Variants in HS6ST2 observed in about 807,000 individuals in gnomAD.
HS6ST2 encodes the protein heparan sulfate 6-O-sulfotransferase 2.
Under a neutral mutation model 33.0 loss-of-function variants are expected in HS6ST2, and 17 were observed. The observed-to-expected ratio is 0.52, with a 90% confidence interval of 0.35 to 0.77. The LOEUF (loss-of-function observed/expected upper bound fraction) is 0.77, where lower values mean the gene tolerates loss of function less well. Ranked by LOEUF, HS6ST2 falls within the 30% of genes least tolerant of loss-of-function variation. The pLI is 0.01. For missense variants in HS6ST2, 519 were observed against 551.7 expected (o/e 0.94, Z 0.59); for synonymous variants, 248 against 237.1 (o/e 1.05, Z -0.42).
At chrX:132,822,637 T>A (rs1380502035) in intron 2 of HS6ST2, among the ~76,000 whole-genome samples, 1 of 112,456 alleles carries the variant, frequency 8.9e-6, no homozygotes, top group Non-Finnish European at 1.9e-5. Flanking sequence ...AATGCTGCTT[T>A]ACAAGAGACA....
chrX:132,794,830 C>T (rs991006387), intron 2 of HS6ST2, among the ~76,000 whole-genome samples: 1 of 110,722 alleles, frequency 9.0e-6, no homozygotes, highest in African/African-American at 3.3e-5. Flanking sequence ...CACAGTCATA[C>T]ACCTCAGACA....
chrX:132,760,640 C>T (rs1434263590), intron 2 of HS6ST2, among the ~76,000 whole-genome samples: 1 of 111,654 alleles, frequency 9.0e-6, no homozygotes, highest in Non-Finnish European at 1.9e-5. Context: ...AGAAAGTGTG[C>T]ATGTACAACT....
At position 132,757,316 on chromosome X, in the gene HS6ST2, T is replaced by A. The variant is rs190598002; in HGVS notation, c.948-48822A>T. Among the ~76,000 whole-genome samples the A allele has an allele frequency of 2.0e-4, 22 of 111,895 alleles. No homozygotes were observed. The East Asian group carries it at 6.2e-3, about 32-fold the overall frequency. On this transcript the variant is annotated intron_variant, in intron 2 of 4. Transcript: ENST00000370833. The stretch of plus-strand genomic sequence containing the variant: ...CTCTGAGAAGTCAGAGAGGAGAGGC[T>A]TCTGAAGAGTTGCTAAAGGATTTCA...
chrX:132,799,772 T>G (rs1464661912), intron 2 of HS6ST2, among the ~76,000 whole-genome samples: 1 of 111,495 alleles, frequency 9.0e-6, no homozygotes, highest in Admixed American at 9.6e-5. Context: ...TGAGCTCCAC[T>G]TTCTTCATCC....
At chrX:132,857,969 GC>G (rs1230368769) in intron 2 of HS6ST2, among the ~76,000 whole-genome samples, 2 of 112,198 alleles carry the variant, frequency 1.8e-5, no homozygotes, top group Non-Finnish European at 3.8e-5. Context: ...TTGTTGGACT[GC>G]CTTTAATTAC....
intron 2 of HS6ST2, among the ~76,000 whole-genome samples, chrX:132,818,149 A>G (rs1357574049): frequency 9.0e-6 from 1 of 110,749 alleles, no homozygotes; most frequent in Non-Finnish European, 1.9e-5. Context: ...TGTAATCCTA[A>G]TACACGTGTG....
intron 2 of HS6ST2, among the ~76,000 whole-genome samples, chrX:132,881,582 C>A (rs1385249353): frequency 1.8e-5 from 2 of 111,481 alleles, no homozygotes; most frequent in Admixed American, 1.9e-4. Context: ...GTTGCCTGTT[C>A]ACTCTGATGG....
At chrX:132,719,446 G>A (rs1569483663) in intron 2 of HS6ST2, among the ~76,000 whole-genome samples, 1 of 111,877 alleles carries the variant, frequency 8.9e-6, no homozygotes. Context: ...CAGGCATGAG[G>A]ACTGGACATT....
At position 132,730,032 on chromosome X, in the gene HS6ST2, C is replaced by T. The variant is rs2064441204; in HGVS notation, c.948-21538G>A. The stretch of plus-strand genomic sequence containing the variant: ...GCCCTCAGGGTGCCTCCTCAGAACC[C>T]TGAGAGTCCAAGTTTGAAAATAATT... On this transcript the variant is annotated intron_variant, in intron 2 of 4. Transcript: ENST00000370833. 2.7e-5 allele frequency among the ~76,000 whole-genome samples: 3 copies of T among 109,828 alleles called. No individual in the cohort carries two copies. The Admixed American group carries it at 2.9e-4, about 11-fold the overall frequency.
chrX:132,643,419 C>G (rs756587389), intron 4 of HS6ST2, among the ~76,000 whole-genome samples: 1 of 111,403 alleles, frequency 9.0e-6, no homozygotes, highest in Admixed American at 9.5e-5. Context: ...ACTGGCCAAC[C>G]GATGAAGGGC....
intron 3 of HS6ST2, among the ~76,000 whole-genome samples, chrX:132,684,307 G>A (rs2063998602): frequency 9.9e-6 from 1 of 100,931 alleles, no homozygotes; most frequent in African/African-American, 3.6e-5. Flanking sequence ...ACACATATAT[G>A]TATATATATG....
intron 2 of HS6ST2, among the ~76,000 whole-genome samples, chrX:132,953,122 T>A (rs1285905887): frequency 9.0e-6 from 1 of 110,925 alleles, no homozygotes; most frequent in Non-Finnish European, 1.9e-5. Context: ...CACACTAGAG[T>A]TGGCTACAAA....
intron 4 of HS6ST2, chrX:132,667,508 T>C (rs570117111): frequency 3.6e-5 from 4 of 112,093 alleles, no homozygotes; most frequent in South Asian, 3.8e-4. Flanking sequence ...TGGTATTAGG[T>C]ATGCATTCTC....
chrX:132,647,865 A>T (rs1005265395), intron 4 of HS6ST2, among the ~76,000 whole-genome samples: 14 of 112,169 alleles, frequency 1.2e-4, no homozygotes, highest in Admixed American at 3.8e-4. Context: ...AAGGCAATAT[A>T]ATATAGATCA....
rs756004039 is a variant in HS6ST2, at chrX:132,708,425, T to C, written c.980+37A>G. On this transcript the variant is annotated intron_variant, in intron 3 of 4. Coordinates refer to ENST00000370833, the MANE Select transcript of HS6ST2 (RefSeq NM_001394073.1). The stretch of plus-strand genomic sequence containing the variant: ...GCAGAGTCTCTTTTTTCTAGCTTAC[T>C]TGGGTTCAGTCAAACTAAAAATACA... 7.0e-5 allele frequency: 75 copies of C among 1,068,149 alleles called. No homozygotes were observed. In the South Asian group the frequency reaches 8.0e-4, roughly 11 times the overall value. 88.0% of individuals were successfully genotyped at this position (1,068,149 alleles called of 1,213,427 possible). A position where few individuals can be genotyped will look rare whatever the true frequency, so the allele number is the denominator to read the frequency against.
At chrX:132,900,359 G>A (rs2066415963) in intron 2 of HS6ST2, among the ~76,000 whole-genome samples, 1 of 111,650 alleles carries the variant, frequency 9.0e-6, no homozygotes, top group Admixed American at 9.6e-5. Flanking sequence ...TGATAAAAAT[G>A]TGCATAAATA....
chrX:132,777,698 A>G (rs1324283957), intron 2 of HS6ST2, among the ~76,000 whole-genome samples: 1 of 107,488 alleles, frequency 9.3e-6, no homozygotes, highest in Non-Finnish European at 1.9e-5. Context: ...CCACCCACCT[A>G]GGCCTCCCAA....
intron 2 of HS6ST2, among the ~76,000 whole-genome samples, chrX:132,734,269 A>T (rs2064486767): frequency 1.8e-5 from 2 of 108,890 alleles, no homozygotes; most frequent in Non-Finnish European, 3.8e-5. Context: ...AGGCATGATG[A>T]TGAGTTTGGT....
chrX:132,671,489 T>C (rs953179608), intron 3 of HS6ST2, among the ~76,000 whole-genome samples: 2 of 104,935 alleles, frequency 1.9e-5, no homozygotes, highest in Non-Finnish European at 3.9e-5. Flanking sequence ...CCCCCACTGC[T>C]AAATTCCCAT....
Sources: allele counts gnomAD v4.1 joint callset (sites outside exome capture counted in the v4.1 genomes callset), GRCh38; gene constraint gnomAD v4.1.1; transcripts MANE v1.5; gene names NCBI Gene and HGNC (gene_info 2026-07-23, HGNC 2026-07-21).